The following TSGA10 variants were observed in gnomAD, a reference collection of about 807,000 sequenced individuals.
TSGA10 encodes testis-specific gene 10 protein.
TSGA10 carries 43 observed loss-of-function variants against 96.6 expected under a neutral mutation model. That is an observed-to-expected ratio of 0.44 (90% CI 0.35 to 0.57). The LOEUF is 0.57. TSGA10 is among the 20% of genes least tolerant of loss of function. The pLI is 0.01. For synonymous variants in TSGA10, 229 were observed against 269.9 expected, an observed-to-expected ratio of 0.85 and a Z score of 1.48; for missense variants, 703 against 834.4, an observed-to-expected ratio of 0.84 and a Z score of 1.94.
Position 99,102,248 on chromosome 2 carries a change from T to A in TSGA10, c.611+1719A>T, listed in dbSNP as rs947361039. 128 of 1,612,374 alleles carry A rather than the reference T, an allele frequency of 7.9e-5. 1 individual carries two copies. The highest frequency in any genetic ancestry group is 1.0e-4 in the Non-Finnish European group (123 of 1,178,528). Reference sequence around the variant, plus strand: ...AAGTATTCCAGAAGTTAGTACCTGGTGGCAAAGCTACTTTGGTGATGAAGA... The same window carrying A: ...AAGTATTCCAGAAGTTAGTACCTGGAGGCAAAGCTACTTTGGTGATGAAGA... On this transcript the variant is annotated intron_variant, in intron 10 of 20. Transcript: ENST00000393483.
chr2:99,133,409 CCT>C (rs1230801098), intron 1 of TSGA10, among the ~76,000 whole-genome samples: 2 of 152,026 alleles, frequency 1.3e-5, no homozygotes, highest in East Asian at 3.9e-4. Context: ...AACTGCAACC[CCT>C]GCTTTTTTTT....
At chr2:99,081,224 C>T (rs2087447239) in intron 11 of TSGA10, 58 bp downstream of exon 11, 3 of 985,666 alleles carry the variant, frequency 3.0e-6, no homozygotes, top group Admixed American at 4.7e-5. Context: ...GAAGAAAATA[C>T]ATCTTTGCTA....
At chr2:98,998,837 G>A (rs2077651481) in intron 20 of TSGA10, among the ~76,000 whole-genome samples, 1 of 152,134 alleles carries the variant, frequency 6.6e-6, no homozygotes, top group Admixed American at 6.6e-5. Context: ...AAGGATATGT[G>A]GGACTGTCTG....
At chr2:99,153,951 C>A (rs1437871396) in intron 1 of TSGA10, among the ~76,000 whole-genome samples, 1 of 152,174 alleles carries the variant, frequency 6.6e-6, no homozygotes, top group East Asian at 1.9e-4. Flanking sequence ...AAAAAGGTGA[C>A]CACAAATTCT....
At chr2:99,073,176 T>C in intron 12 of TSGA10, 103 bp from the exon 13 acceptor site, 1 of 761,698 alleles carries the variant, frequency 1.3e-6, no homozygotes, top group South Asian at 1.9e-5. Context: ...TAGGTTTCCA[T>C]TTGGTTTTAA....
Position 99,081,305 on chromosome 2 carries a change from A to G in TSGA10, c.704T>C (p.Ile235Thr). Residue 235 changes from isoleucine (I) to threonine (T), a missense_variant, in exon 11 of 21, where the codon ATT (isoleucine) becomes ACT (threonine). By Grantham distance (89) the Ile-to-Thr change is moderately conservative. This residue lies in a region of TSGA10 where 585 missense variants were observed against 656.8 expected (regional missense o/e 0.89). Transcript: ENST00000393483. ...KYELQLTQEKIMCLDEKIDNF... is the reference protein window; with the variant it reads ...KYELQLTQEKTMCLDEKIDNF... ...ACCAATTTTTTCATCCAAGCACATA[A>G]TTTTCTCCTGAGTAAGCTGTAGCTC... The G allele has an allele frequency of 6.3e-7, 1 of 1,576,104 alleles. No individual in the cohort carries two copies. The highest frequency in any genetic ancestry group is 8.6e-7 in the Non-Finnish European group (1 of 1,162,584).
intron 16 of TSGA10, among the ~76,000 whole-genome samples, chr2:99,043,979 C>T (rs955488444): frequency 2.0e-5 from 3 of 152,116 alleles, no homozygotes; most frequent in Non-Finnish European, 4.4e-5. Flanking sequence ...CAAGCAAATG[C>T]TGGGACATTT....
At chr2:99,010,067 T>C (rs2078878730) in intron 20 of TSGA10, among the ~76,000 whole-genome samples, 1 of 152,242 alleles carries the variant, frequency 6.6e-6, no homozygotes, top group Admixed American at 6.5e-5. Context: ...ATATCTAAAA[T>C]ATTTTCCTCT....
At chr2:99,045,778 C>A (rs972972053) in intron 16 of TSGA10, among the ~76,000 whole-genome samples, 5 of 152,166 alleles carry the variant, frequency 3.3e-5, no homozygotes, top group Non-Finnish European at 5.9e-5. Flanking sequence ...AATTAAAAGA[C>A]ACAGACTGGC....
At chr2:99,013,355 A>G (rs1451124312) in intron 20 of TSGA10, among the ~76,000 whole-genome samples, 15 of 151,906 alleles carry the variant, frequency 9.9e-5, no homozygotes, top group Admixed American at 9.8e-4. Context: ...TTTTTTTGAG[A>G]TGTAATCTTC....
intron 16 of TSGA10, among the ~76,000 whole-genome samples, chr2:99,041,172 G>A (rs966635543): frequency 1.3e-5 from 2 of 152,228 alleles, no homozygotes; most frequent in Non-Finnish European, 2.9e-5. Flanking sequence ...ATGGATGCAG[G>A]ACACTGCAGT....
intron 1 of TSGA10, among the ~76,000 whole-genome samples, chr2:99,140,146 A>C (rs2093477029): frequency 6.6e-6 from 1 of 152,230 alleles, no homozygotes; most frequent in African/African-American, 2.4e-5. Context: ...AGGATTTAAA[A>C]TTAATATTTA....
chr2:99,080,723 T>C (rs764433919), intron 11 of TSGA10, among the ~76,000 whole-genome samples: 7 of 152,176 alleles, frequency 4.6e-5, no homozygotes, highest in Non-Finnish European at 1.0e-4. Flanking sequence ...TGCTTTAAAA[T>C]AGGCTCTTCT....
chr2:99,149,439 C>A (rs572180126), intron 1 of TSGA10, among the ~76,000 whole-genome samples: 42 of 132,878 alleles, frequency 3.2e-4, no homozygotes, highest in African/African-American at 1.1e-3. Flanking sequence ...GCTACATGAT[C>A]ATCTTTTTTT....
chr2:99,015,442 C>G (rs1246233719), intron 20 of TSGA10, among the ~76,000 whole-genome samples: 1 of 151,986 alleles, frequency 6.6e-6, no homozygotes, highest in South Asian at 2.1e-4. Flanking sequence ...ATCCAGCATC[C>G]CTTTATGGTT....
intron 12 of TSGA10, among the ~76,000 whole-genome samples, chr2:99,076,685 A>G (rs561239330): frequency 6.6e-6 from 1 of 152,014 alleles, no homozygotes; most frequent in Non-Finnish European, 1.5e-5. Flanking sequence ...TCCCATATCT[A>G]TCTCTCTACA....
chr2:99,078,907 T>G, intron 11 of TSGA10, 94 bp from the exon 12 acceptor site: 1 of 1,060,312 alleles, frequency 9.4e-7, no homozygotes, highest in Non-Finnish European at 1.3e-6. Flanking sequence ...TTCTCCTTAC[T>G]TCTAATATAT....
Position 99,109,531 on chromosome 2 carries a change from T to C in TSGA10, c.-73-19A>G. ...ATCAAGTCTAGAAGGAGATTTATTT[T>C]GTGCTTTTTCAGTATCTAAAATTAT... On this transcript the variant is annotated intron_variant, in intron 5 of 20. Coordinates refer to ENST00000393483, the MANE Select transcript of TSGA10 (RefSeq NM_025244.4). The C allele has an allele frequency of 2.0e-6, 3 of 1,513,936 alleles. No homozygotes were observed. The highest frequency in any genetic ancestry group is 2.7e-6 in the Non-Finnish European group (3 of 1,124,116). 93.8% of individuals were successfully genotyped at this position (1,513,936 alleles called of 1,614,324 possible).
chr2:99,013,934 C>T (rs927313134), intron 20 of TSGA10, among the ~76,000 whole-genome samples: 1 of 152,020 alleles, frequency 6.6e-6, no homozygotes, highest in African/African-American at 2.4e-5. Context: ...AGGCAGATCA[C>T]CTGAGGTCAG....
Sources: gnomAD v4.1 joint callset for allele counts (sites outside exome capture counted in the v4.1 genomes callset) on GRCh38, gnomAD v4.1.1 for gene constraint, gnomAD v4.1.1 regional missense constraint, MANE v1.5 for transcripts, NCBI Gene and HGNC (gene_info 2026-07-23, HGNC 2026-07-21) for gene names.